LCOR: variants seen among roughly 807,000 people sequenced by gnomAD.
The protein encoded by LCOR is ligand dependent nuclear receptor corepressor, also known as ligand-dependent corepressor.
LCOR carries 14 observed loss-of-function variants against 64.4 expected under a neutral mutation model. That is an observed-to-expected ratio of 0.22 (90% CI 0.14 to 0.34). LCOR has a LOEUF of 0.34. LCOR is among the 10% of genes least tolerant of loss of function. The pLI, the probability that LCOR is intolerant of heterozygous loss-of-function variation, is 1.00. For synonymous variants in LCOR, 643 were observed against 642.5 expected, an observed-to-expected ratio of 1.00 and a Z score of -0.01; for missense variants, 1,686 against 1,765.3, an observed-to-expected ratio of 0.96 and a Z score of 0.80.
At position 96,983,694 on chromosome 10, in the gene LCOR, G is replaced by A. The variant is rs1211221777; in HGVS notation, c.3234G>A (p.Glu1078=). 6.2e-7 allele frequency: 1 copy of A among 1,614,072 alleles called. No homozygotes were observed. The highest frequency in any genetic ancestry group is 8.5e-7 in the Non-Finnish European group (1 of 1,180,048). The change falls in exon 8 of 8, where the codon GAG becomes GAA. Residue 1078 remains glutamate, a synonymous_variant. Coordinates refer to ENST00000421806, the MANE Select transcript of LCOR (RefSeq NM_001346516.2). The surrounding 1 kb of genome is among the most constrained non-coding windows in gnomAD (Gnocchi z 4.5). ...PIMPKENGAS[E]SGDPLDEDDV... ...TGCCAAAGGAAAATGGAGCTTCAGA[G>A]AGTGGAGACCCCCTAGATGAGGACG...
At chr10:96,980,212 G>A (rs1351608742) in intron 7 of LCOR, among the ~76,000 whole-genome samples, 2 of 151,596 alleles carry the variant, frequency 1.3e-5, no homozygotes, top group Non-Finnish European at 2.9e-5. Flanking sequence ...CCCAAGATTT[G>A]TACTGTAGTG....
intron 2 of LCOR, among the ~76,000 whole-genome samples, chr10:96,900,866 C>CTT (rs139940073): frequency 6.4e-5 from 9 of 141,336 alleles, no homozygotes; most frequent in East Asian, 2.0e-4. Context: ...GCTTCGTAGG[C>CTT]TTTTTTTTTT....
At chr10:96,884,048 C>A (rs1336099896) in intron 2 of LCOR, among the ~76,000 whole-genome samples, 1 of 152,002 alleles carries the variant, frequency 6.6e-6, no homozygotes, top group Non-Finnish European at 1.5e-5. Flanking sequence ...TATAATAATT[C>A]ACCTCATTTA....
chr10:96,833,460 A>G lies in LCOR; in HGVS notation c.-349A>G. 1.0e-6 allele frequency: 1 copy of G among 985,880 alleles called. No homozygotes were observed. Among genetic ancestry groups the G allele is most frequent in the Non-Finnish European group, 1.2e-6 (1 of 830,048 alleles). 61.1% of individuals were successfully genotyped at this position (985,880 alleles called of 1,614,324 possible). A position where few individuals can be genotyped will look rare whatever the true frequency, so the allele number is the denominator to read the frequency against. On this transcript the variant is annotated 5_prime_UTR_variant, in exon 2 of 8. The change creates a new upstream start codon in the 5' untranslated region. Coordinates refer to ENST00000421806, the MANE Select transcript of LCOR (RefSeq NM_001346516.2). The stretch of plus-strand genomic sequence containing the variant: ...GGGACCATAAGGGCTTAACTCATAT[A>G]TTTAACCCCCCTCCAAAAAGTAAGT...
In LCOR at chr10:96,907,751, A is replaced by G. The variant is rs984103396; in HGVS notation, c.-184+4A>G. ...CTTGAGAAGAGATAAAGTAAAGGTA[A>G]CTAAGAAGCCTGTGAAACTTTTATT... On this transcript the variant is annotated splice_donor_region_variant and intron_variant, in intron 4 of 7. Transcript: ENST00000421806. The G allele has an allele frequency of 4.2e-6, 4 of 946,858 alleles. No individual in the cohort carries two copies. Among genetic ancestry groups the G allele is most frequent in the Admixed American group, 1.2e-4 (2 of 16,214 alleles). The allele number at this position is 946,858 out of a possible 1,614,324, so 58.7% of individuals were successfully genotyped here. A position where few individuals can be genotyped will look rare whatever the true frequency, so the allele number is the denominator to read the frequency against.
chr10:96,850,783 C>T (rs1336133692), intron 2 of LCOR, among the ~76,000 whole-genome samples: 2 of 152,184 alleles, frequency 1.3e-5, no homozygotes, highest in Non-Finnish European at 2.9e-5. Context: ...GAACCATCTG[C>T]TGATCATGGA....
At chr10:96,868,627 A>G (rs1439846680) in intron 2 of LCOR, among the ~76,000 whole-genome samples, 1 of 152,138 alleles carries the variant, frequency 6.6e-6, no homozygotes, top group African/African-American at 2.4e-5. Context: ...GACTGAAATT[A>G]CAGTGTAGTT....
At chr10:96,837,550 C>T (rs528490004) in intron 2 of LCOR, among the ~76,000 whole-genome samples, 2 of 152,194 alleles carry the variant, frequency 1.3e-5, no homozygotes, top group East Asian at 1.9e-4. Context: ...CCACCGTGCC[C>T]GGCCGACAGA....
At chr10:96,867,466 A>G (rs1411891175) in intron 2 of LCOR, among the ~76,000 whole-genome samples, 1 of 152,110 alleles carries the variant, frequency 6.6e-6, no homozygotes, top group African/African-American at 2.4e-5. Context: ...GTGTGGTGGC[A>G]TGTACCAATA....
Position 96,858,979 on chromosome 10 carries a change from G to A in LCOR, c.-330+25500G>A, listed in dbSNP as rs538006848. Among the ~76,000 whole-genome samples, 5 of 152,138 alleles carry A rather than the reference G, an allele frequency of 3.3e-5. No homozygotes were observed. In the South Asian group the frequency reaches 1.0e-3, roughly 32 times the overall value. On this transcript the variant is annotated intron_variant, in intron 2 of 7. Transcript: ENST00000421806. The stretch of plus-strand genomic sequence containing the variant: ...AGTGAGGTTCTTTTCTCAACCATAC[G>A]GCACATTGCAGTATTGTGCTTTTAT...
In LCOR at chr10:96,986,030, C is replaced by T. The variant is rs755212067; in HGVS notation, c.*896C>T. 5.4e-5 allele frequency: 9 copies of T among 166,914 alleles called. No homozygotes were observed. The highest frequency in any genetic ancestry group is 1.3e-4 in the Admixed American group (2 of 15,278). The allele number at this position is 166,914 out of a possible 1,614,324, so 10.3% of individuals were successfully genotyped here. On this transcript the variant is annotated 3_prime_UTR_variant, in exon 8 of 8. Transcript: ENST00000421806. ...TTTGATGATTAGGATGAAAATGACT[C>T]TTATTTTCTTTCTTACCCAGAGTAC... is the stretch of plus-strand genomic sequence containing the variant.
At chr10:96,881,541 C>T (rs985449578) in intron 2 of LCOR, among the ~76,000 whole-genome samples, 1 of 151,872 alleles carries the variant, frequency 6.6e-6, no homozygotes, top group African/African-American at 2.4e-5. Context: ...ACTGCAACCT[C>T]TGCCTCCTGG....
intron 4 of LCOR, among the ~76,000 whole-genome samples, chr10:96,921,554 T>C (rs940151911): frequency 1.3e-5 from 2 of 152,200 alleles, no homozygotes; most frequent in Non-Finnish European, 2.9e-5. Context: ...CTCCGCATCC[T>C]GGATCCAAGC....
At chr10:96,857,711 C>T (rs116546869) in intron 2 of LCOR, among the ~76,000 whole-genome samples, 1,855 of 152,268 alleles carry the variant, frequency 0.012, 43 homozygotes, top group African/African-American at 0.041. Context: ...AACCGCTACC[C>T]TAGATGATCT....
At chr10:96,925,171 G>A (rs917135189) in intron 4 of LCOR, among the ~76,000 whole-genome samples, 1 of 152,072 alleles carries the variant, frequency 6.6e-6, no homozygotes, top group African/African-American at 2.4e-5. Flanking sequence ...CGCGTCCCGG[G>A]TTCAAGTGGT....
intron 2 of LCOR, among the ~76,000 whole-genome samples, chr10:96,901,569 A>G (rs1846638340): frequency 6.6e-6 from 1 of 152,188 alleles, no homozygotes; most frequent in African/African-American, 2.4e-5. Flanking sequence ...AGTAATCAAC[A>G]TTAGGAAGTT....
rs542093782 is a variant in LCOR, at chr10:96,838,587, C to T, written c.-330+5108C>T. Among the ~76,000 whole-genome samples the T allele has an allele frequency of 4.6e-5, 7 of 152,290 alleles. No homozygotes were observed. The South Asian group carries it at 1.2e-3, about 27-fold the overall frequency. ...GTAATTGGAGTCATACAATATATGG[C>T]TTTTTGTGCCTGGCTTCTTTCACTT... On this transcript the variant is annotated intron_variant, in intron 2 of 7. Coordinates refer to ENST00000421806, the MANE Select transcript of LCOR (RefSeq NM_001346516.2).
At chr10:96,945,306 C>T (rs985909319) in intron 5 of LCOR, among the ~76,000 whole-genome samples, 2 of 152,148 alleles carry the variant, frequency 1.3e-5, no homozygotes, top group African/African-American at 4.8e-5. Flanking sequence ...ACTAGCTGGG[C>T]TTCTGCTTAA....
intron 5 of LCOR, among the ~76,000 whole-genome samples, chr10:96,948,515 A>G (rs1847624254): frequency 6.6e-6 from 1 of 152,198 alleles, no homozygotes; most frequent in Non-Finnish European, 1.5e-5. Context: ...CCTAAAATGG[A>G]TCTTAAAATT....
Sources: gnomAD v4.1 joint callset for allele counts (sites outside exome capture counted in the v4.1 genomes callset) on GRCh38, gnomAD v4.1.1 for gene constraint, Gnocchi (gnomAD v3.1) non-coding constraint, MANE v1.5 for transcripts, NCBI Gene and HGNC (gene_info 2026-07-23, HGNC 2026-07-21) for gene names.